Variants in PTPRA observed in about 807,000 individuals in gnomAD.
PTPRA encodes protein tyrosine phosphatase receptor type A.
In PTPRA, 25 loss-of-function variants were observed where a neutral mutation model predicts 104.8. The ratio of observed to expected loss-of-function variants is 0.24; its 90% CI spans 0.17 to 0.33. The LOEUF is 0.33. PTPRA is among the 10% of genes least tolerant of loss of function. PTPRA has a pLI of 1.00. For missense variants in PTPRA, 765 were observed against 1,015.3 expected (o/e 0.75, Z 3.35); for synonymous variants, 323 against 368.9 (o/e 0.88, Z 1.43).
At chr20:2,920,387 A>G (rs753960120) in intron 1 of PTPRA, among the ~76,000 whole-genome samples, 18 of 152,072 alleles carry the variant, frequency 1.2e-4, no homozygotes, top group Non-Finnish European at 1.6e-4. Context: ...CTTAAAACCA[A>G]ACAAAACCAG....
chr20:2,884,450 TTTTTGA>T (rs1173858355), intron 1 of PTPRA, among the ~76,000 whole-genome samples: 2 of 152,212 alleles, frequency 1.3e-5, no homozygotes, highest in Non-Finnish European at 2.9e-5. Context: ...TGTTACTCTC[TTTTTGA>T]TTATAGCCAT....
At chr20:2,932,579 C>G (rs567574936) in intron 2 of PTPRA, among the ~76,000 whole-genome samples, 1 of 152,310 alleles carries the variant, frequency 6.6e-6, no homozygotes, top group African/African-American at 2.4e-5. Context: ...ATCTCTTCCT[C>G]TAGTCTAAAA....
At chr20:2,949,084 A>G (rs987471996) in intron 3 of PTPRA, among the ~76,000 whole-genome samples, 6 of 152,034 alleles carry the variant, frequency 3.9e-5, no homozygotes, top group African/African-American at 9.7e-5. Flanking sequence ...CTTTTCTACA[A>G]CTTCTCCCAC....
chr20:3,028,429 T>A (rs1366523854), intron 20 of PTPRA, among the ~76,000 whole-genome samples: 1 of 152,150 alleles, frequency 6.6e-6, no homozygotes, highest in African/African-American at 2.4e-5. Flanking sequence ...AAACTCATAC[T>A]AAAAAGGGAC....
intron 16 of PTPRA, among the ~76,000 whole-genome samples, chr20:3,023,702 G>A (rs1264655111): frequency 6.6e-6 from 1 of 152,194 alleles, no homozygotes; most frequent in Non-Finnish European, 1.5e-5. Flanking sequence ...AGCCGAGATA[G>A]TAGAGATAGT....
intron 2 of PTPRA, among the ~76,000 whole-genome samples, chr20:2,941,915 A>G (rs1045238709): frequency 2.0e-5 from 3 of 152,112 alleles, no homozygotes. Context: ...ATAGGCTCTT[A>G]GAGTCCTATA....
chr20:2,886,894 TA>T (rs200513865), intron 1 of PTPRA, among the ~76,000 whole-genome samples: 1 of 120,188 alleles, frequency 8.3e-6, no homozygotes, highest in Non-Finnish European at 1.9e-5. Context: ...GAAAAAGAAA[TA>T]AAAAAATGTA....
upstream of PTPRA, among the ~76,000 whole-genome samples, chr20:2,868,477 TG>T (rs2089387764): frequency 1.3e-5 from 2 of 151,716 alleles, no homozygotes; most frequent in Admixed American, 1.3e-4. Context: ...CTCCACCTCC[TG>T]ATAGGGAGTA....
Position 2,950,503 on chromosome 20 carries a change from C to A in PTPRA, c.-7+2479C>A, listed in dbSNP as rs374796182. On this transcript the variant is annotated intron_variant, in intron 3 of 23. Transcript: ENST00000399903. This position sits in a 1 kb window ranked among gnomAD's most constrained non-coding sequence, Gnocchi z 4.0. ...AATACAAAAAAAAAAATTAGCCGGG[C>A]GTGGTGGCAGGCACCTGTAGTCCCA... is the stretch of plus-strand genomic sequence containing the variant. Among the ~76,000 whole-genome samples the A allele has an allele frequency of 6.6e-6, 1 of 151,748 alleles. No individual in the cohort carries two copies. The highest frequency in any genetic ancestry group is 1.5e-5 in the Non-Finnish European group (1 of 67,932).
intron 5 of PTPRA, among the ~76,000 whole-genome samples, chr20:2,974,514 C>T (rs555133970): frequency 6.6e-6 from 1 of 151,758 alleles, no homozygotes; most frequent in East Asian, 1.9e-4. Context: ...GCAACCTCCC[C>T]CTCCTGGGTT....
At chr20:2,884,838 C>G (rs1186622376) in intron 1 of PTPRA, among the ~76,000 whole-genome samples, 1 of 146,820 alleles carries the variant, frequency 6.8e-6, no homozygotes, top group Non-Finnish European at 1.5e-5. Context: ...GAGACGGAGT[C>G]TCGCTCTGTC....
chr20:2,976,331 A>G (rs1045964368), intron 6 of PTPRA, among the ~76,000 whole-genome samples: 1 of 152,260 alleles, frequency 6.6e-6, no homozygotes, highest in Non-Finnish European at 1.5e-5. Context: ...AACCAGCCTT[A>G]CAATAAAGTC....
chr20:3,036,011 A>G (rs983764683), intron 22 of PTPRA, 70 bp downstream of exon 22: 1 of 1,604,770 alleles, frequency 6.2e-7, no homozygotes. Flanking sequence ...GCTGATGACC[A>G]TGGGTCAGAC....
intron 2 of PTPRA, among the ~76,000 whole-genome samples, chr20:2,930,493 G>T (rs1329137168): frequency 6.6e-6 from 1 of 152,160 alleles, no homozygotes; most frequent in Non-Finnish European, 1.5e-5. Flanking sequence ...AAACTCGGTG[G>T]CTAAAGACAG....
intron 9 of PTPRA, among the ~76,000 whole-genome samples, chr20:3,004,769 C>T (rs2063789910): frequency 6.6e-6 from 1 of 152,230 alleles, no homozygotes; most frequent in African/African-American, 2.4e-5. Flanking sequence ...ATCATAACAA[C>T]AGGCTGCTAA....
At chr20:2,888,497 T>G (rs1304630920) in intron 1 of PTPRA, among the ~76,000 whole-genome samples, 1 of 151,656 alleles carries the variant, frequency 6.6e-6, no homozygotes, top group East Asian at 1.9e-4. Context: ...AGATCAAGGC[T>G]GCAGTGAACA....
At position 3,037,084 on chromosome 20, in the gene PTPRA, C is replaced by A; in HGVS notation, c.2199-70C>A. 1 of 1,571,302 alleles carries A rather than the reference C, an allele frequency of 6.4e-7. No individual in the cohort carries two copies. Among genetic ancestry groups the A allele is most frequent in the Non-Finnish European group, 8.6e-7 (1 of 1,156,172 alleles). The stretch of plus-strand genomic sequence containing the variant: ...GCCTGCCCCCACCTCTTCTGCCACT[C>A]ACCACTGTCACTCACCCCCTTGCAC... On this transcript the variant is annotated intron_variant, in intron 22 of 23. Transcript: ENST00000399903. The surrounding 1 kb of genome is among the most constrained non-coding windows in gnomAD (Gnocchi z 4.3).
intron 1 of PTPRA, among the ~76,000 whole-genome samples, chr20:2,882,151 G>GA (rs2090090497): frequency 6.6e-6 from 1 of 152,168 alleles, no homozygotes; most frequent in Non-Finnish European, 1.5e-5. Context: ...AAGATGTATA[G>GA]AAAACATTGC....
chr20:2,873,485 CG>C lies in PTPRA; in HGVS notation c.-401del, dbSNP rs2146712633. 1 of 152,186 alleles carries C rather than the reference CG, an allele frequency of 6.6e-6. No individual in the cohort carries two copies. Among genetic ancestry groups the C allele is most frequent in the African/African-American group, 2.4e-5 (1 of 41,564 alleles). 9.4% of individuals were successfully genotyped at this position (152,186 alleles called of 1,614,324 possible). On this transcript the variant is annotated 5_prime_UTR_variant, in exon 1 of 24. Coordinates refer to ENST00000399903, the MANE Select transcript of PTPRA (RefSeq NM_001385305.1). The surrounding 1 kb of genome is among the most constrained non-coding windows in gnomAD (Gnocchi z 4.4). Reference sequence around the variant, plus strand: ...ACGCGTCTTACAGCCAAGGCCGGGTCGGGAGCGAGGCTGCGGCGAGTGCGGC... The same window carrying C: ...ACGCGTCTTACAGCCAAGGCCGGGTCGGAGCGAGGCTGCGGCGAGTGCGGC...
Sources: gnomAD v4.1 joint callset for allele counts (sites outside exome capture counted in the v4.1 genomes callset) on GRCh38, gnomAD v4.1.1 for gene constraint, Gnocchi (gnomAD v3.1) non-coding constraint, MANE v1.5 for transcripts, NCBI Gene and HGNC (gene_info 2026-07-23, HGNC 2026-07-21) for gene names.